Variants in GAS7 observed in about 807,000 individuals in gnomAD.
GAS7 encodes growth arrest-specific protein 7.
A neutral mutation model predicts 71.1 loss-of-function variants in GAS7; 28 were observed. The ratio of observed to expected loss-of-function variants is 0.39; its 90% CI spans 0.29 to 0.54. The LOEUF (loss-of-function observed/expected upper bound fraction) is 0.54. GAS7 is among the 20% of genes least tolerant of loss of function. The probability of loss-of-function intolerance (pLI) is 0.62; values close to 1 mark genes in which losing one functional copy is unlikely to be tolerated. For synonymous variants in GAS7, 258 were observed against 245.8 expected (o/e 1.05, Z -0.46); for missense variants, 436 against 627.8 (o/e 0.69, Z 3.27).
At chr17:9,939,120 T>C (rs2068504686) in intron 8 of GAS7, among the ~76,000 whole-genome samples, 1 of 152,240 alleles carries the variant, frequency 6.6e-6, no homozygotes, top group Non-Finnish European at 1.5e-5. Context: ...ATGTATTAGT[T>C]TGAGTGCCTG....
intron 1 of GAS7, among the ~76,000 whole-genome samples, chr17:10,084,569 T>C (rs1432495649): frequency 6.6e-6 from 1 of 152,072 alleles, no homozygotes; most frequent in African/African-American, 2.4e-5. Context: ...CAGGTTCAAG[T>C]GATTCTCCTG....
intron 2 of GAS7, among the ~76,000 whole-genome samples, chr17:9,982,824 GGAAAGAAA>G (rs56351503): frequency 0.07 from 8,160 of 116,182 alleles, 327 homozygotes; most frequent in South Asian, 0.11. Context: ...AGGAAAGAAA[GGAAAGAAA>G]GAAAGAAAGA....
intron 3 of GAS7, among the ~76,000 whole-genome samples, chr17:9,973,059 C>T (rs1042746301): frequency 3.3e-5 from 5 of 151,904 alleles, no homozygotes; most frequent in Admixed American, 6.6e-5. Context: ...AACAGGAGAA[C>T]GGAATAGAAA....
chr17:10,195,335 G>A (rs919593960), intron 1 of GAS7, among the ~76,000 whole-genome samples: 3 of 152,108 alleles, frequency 2.0e-5, no homozygotes, highest in Non-Finnish European at 2.9e-5. Flanking sequence ...TGGGTCTCTC[G>A]GTTCCCCTTG....
At chr17:10,173,729 C>T (rs2074352123) in intron 1 of GAS7, among the ~76,000 whole-genome samples, 1 of 151,616 alleles carries the variant, frequency 6.6e-6, no homozygotes. Flanking sequence ...GATCGTGCCA[C>T]TGCACTGCAG....
intron 1 of GAS7, among the ~76,000 whole-genome samples, chr17:10,075,284 A>G (rs2073378617): frequency 6.6e-6 from 1 of 151,836 alleles, no homozygotes; most frequent in Non-Finnish European, 1.5e-5. Context: ...TGAACCCAGG[A>G]GGCAGAGGTG....
At chr17:9,991,294 G>A (rs566008892) in intron 2 of GAS7, among the ~76,000 whole-genome samples, 1 of 152,226 alleles carries the variant, frequency 6.6e-6, no homozygotes, top group South Asian at 2.1e-4. Context: ...TTGCTGCAGT[G>A]TCAGGCTATC....
intron 1 of GAS7, among the ~76,000 whole-genome samples, chr17:10,021,507 A>G (rs148168745): frequency 3.8e-4 from 58 of 152,204 alleles, no homozygotes; most frequent in African/African-American, 9.9e-4. Flanking sequence ...AAGTTTCACA[A>G]TGCATTTTCA....
chr17:10,102,455 C>A (rs2073712320), intron 1 of GAS7, among the ~76,000 whole-genome samples: 1 of 152,078 alleles, frequency 6.6e-6, no homozygotes, highest in South Asian at 2.1e-4. Context: ...CTAAGTATTT[C>A]TTTGGTGGGA....
At chr17:10,036,736 T>A (rs1010757694) in intron 1 of GAS7, 8 of 1,241,904 alleles carry the variant, frequency 6.4e-6, no homozygotes, top group Non-Finnish European at 7.1e-6. Flanking sequence ...ACTTTCCAGA[T>A]GCAATGTTTC....
At chr17:10,079,455 G>T (rs540804563) in intron 1 of GAS7, among the ~76,000 whole-genome samples, 22 of 152,260 alleles carry the variant, frequency 1.4e-4, no homozygotes, top group Non-Finnish European at 2.8e-4. Context: ...TGTCTGATAA[G>T]AAATACTTAC....
At chr17:9,963,568 G>A (rs530245677) in intron 4 of GAS7, among the ~76,000 whole-genome samples, 42 of 152,110 alleles carry the variant, frequency 2.8e-4, no homozygotes, top group African/African-American at 8.4e-4. Context: ...GAGAAAAGCA[G>A]CCATAAAAGG....
intron 1 of GAS7, among the ~76,000 whole-genome samples, chr17:10,085,704 AAAAAAG>A (rs1286079648): frequency 1.8e-4 from 26 of 145,478 alleles, no homozygotes; most frequent in Admixed American, 8.0e-4. Context: ...AAAAAAAAAA[AAAAAAG>A]AAAGAAAGAA....
chr17:9,923,248 C>CAA (rs11413957), intron 11 of GAS7, among the ~76,000 whole-genome samples: 34,013 of 135,140 alleles, frequency 0.25, 4,201 homozygotes, highest in Non-Finnish European at 0.32. Flanking sequence ...ACACCTGAAA[C>CAA]AAAAAAAAAA....
chr17:9,939,925 G>A (rs957486384), intron 8 of GAS7, among the ~76,000 whole-genome samples: 2 of 152,146 alleles, frequency 1.3e-5, no homozygotes, highest in African/African-American at 4.8e-5. Flanking sequence ...CCTTTTGAGT[G>A]TGGATGCCCA....
At chr17:9,923,205 C>A (rs1161338216) in intron 11 of GAS7, among the ~76,000 whole-genome samples, 2 of 151,518 alleles carry the variant, frequency 1.3e-5, no homozygotes, top group Non-Finnish European at 2.9e-5. Flanking sequence ...CCACGGCCGG[C>A]CTTCACTATT....
chr17:10,004,560 A>G (rs2071393842), intron 2 of GAS7, among the ~76,000 whole-genome samples: 2 of 152,186 alleles, frequency 1.3e-5, no homozygotes, highest in East Asian at 1.9e-4. Context: ...TTGGACACAC[A>G]TAAAAGCCCC....
At position 10,136,468 on chromosome 17, in the gene GAS7, C is replaced by T. The variant is rs142916271; in HGVS notation, c.183+61740G>A. Among the ~76,000 whole-genome samples the T allele has an allele frequency of 2.2e-4, 33 of 152,270 alleles. No homozygotes were observed. The East Asian group carries it at 5.6e-3, about 26-fold the overall frequency. On this transcript the variant is annotated intron_variant, in intron 1 of 13. Transcript: ENST00000432992. Reference sequence around the variant, plus strand: ...ATTTTCCAGACTGGGGAAGGCAGCGCGGCTGATGCATTTTCTTCTCACAGG... The same window carrying T: ...ATTTTCCAGACTGGGGAAGGCAGCGTGGCTGATGCATTTTCTTCTCACAGG...
chr17:10,185,998 C>T (rs543962516), intron 1 of GAS7, among the ~76,000 whole-genome samples: 21 of 144,266 alleles, frequency 1.5e-4, no homozygotes, highest in Non-Finnish European at 2.7e-4. Flanking sequence ...CTCTGACACC[C>T]AGGCTGGAGT....
Sources: gnomAD v4.1 joint callset for allele counts (sites outside exome capture counted in the v4.1 genomes callset) on GRCh38, gnomAD v4.1.1 for gene constraint, MANE v1.5 for transcripts, NCBI Gene and HGNC (gene_info 2026-07-23, HGNC 2026-07-21) for gene names.